The following MYO9A variants were observed in gnomAD, a reference collection of about 807,000 sequenced individuals.
MYO9A encodes myosin IXA.
A neutral mutation model predicts 293.3 loss-of-function variants in MYO9A; 103 were observed. That is an observed-to-expected ratio of 0.35 (90% confidence interval 0.30 to 0.41). MYO9A has a LOEUF of 0.41. MYO9A is among the 10% of genes least tolerant of loss of function. MYO9A has a pLI of 1.00. For missense variants in MYO9A, 2,685 were observed against 3,033.0 expected (o/e 0.89, Z 2.69); for synonymous variants, 1,001 against 1,035.7 (o/e 0.97, Z 0.64).
intron 39 of MYO9A, among the ~76,000 whole-genome samples, chr15:71,832,890 T>G (rs2054785312): frequency 6.6e-6 from 1 of 152,274 alleles, no homozygotes; most frequent in Non-Finnish European, 1.5e-5. Flanking sequence ...TTAAAACACC[T>G]GTATTATCTG....
rs1315942519 is a variant in MYO9A, at chr15:71,825,997, T to TTTGTTTTG, written c.*582_*583insCAAAACAA. 1 of 96,856 alleles carries TTTGTTTTG rather than the reference T, an allele frequency of 1.0e-5. No individual in the cohort carries two copies. The highest frequency in any genetic ancestry group is 1.8e-5 in the Non-Finnish European group (1 of 54,452). 6.0% of individuals were successfully genotyped at this position (96,856 alleles called of 1,614,324 possible). A position where few individuals can be genotyped will look rare whatever the true frequency, so the allele number is the denominator to read the frequency against. On this transcript the variant is annotated 3_prime_UTR_variant, in exon 42 of 42. Coordinates refer to ENST00000356056, the MANE Select transcript of MYO9A (RefSeq NM_006901.4). ...GGAAACAATCACGGTTTTTTTTTGT[T>TTTGTTTTG]TTTTTTTTTTTGTTTTTTTTTTTTG...
intron 37 of MYO9A, 123 bp from the exon 38 acceptor site, chr15:71,850,290 G>A: frequency 8.9e-7 from 1 of 1,125,858 alleles, no homozygotes; most frequent in Non-Finnish European, 1.3e-6. Context: ...GTACTAGAAG[G>A]ATATCCATTA....
At chr15:71,930,450 A>G (rs930397398) in intron 18 of MYO9A, among the ~76,000 whole-genome samples, 1 of 152,102 alleles carries the variant, frequency 6.6e-6, no homozygotes, top group Non-Finnish European at 1.5e-5. Flanking sequence ...TTATTATTAT[A>G]TGTTGACCTT....
chr15:71,841,845 C>A lies in MYO9A; in HGVS notation c.6837+7000G>T, dbSNP rs1163133674. Reference sequence around the variant, plus strand: ...TTTTTTTTGTAGAGACGGGGTTTCACCATGTTGCCCAGGCTGGTCTCAAAC... The same window carrying A: ...TTTTTTTTGTAGAGACGGGGTTTCAACATGTTGCCCAGGCTGGTCTCAAAC... On this transcript the variant is annotated intron_variant, in intron 39 of 41. Transcript: ENST00000356056. Among the ~76,000 whole-genome samples, 61 of 150,834 alleles carry A rather than the reference C, an allele frequency of 4.0e-4. 1 individual carries two copies. The highest frequency in any genetic ancestry group is 3.4e-3 in the South Asian group (16 of 4,754).
chr15:71,878,409 T>A (rs1249062541), intron 30 of MYO9A, among the ~76,000 whole-genome samples, 178 bp from the exon 31 acceptor site: 1 of 152,194 alleles, frequency 6.6e-6, no homozygotes, highest in Non-Finnish European at 1.5e-5. Context: ...TAGTATGGGA[T>A]GAATGCAGAA....
intron 4 of MYO9A, among the ~76,000 whole-genome samples, chr15:72,026,703 G>A (rs2077684267): frequency 6.6e-6 from 1 of 152,064 alleles, no homozygotes; most frequent in Non-Finnish European, 1.5e-5. Flanking sequence ...TATCTAAACT[G>A]ATGAGACAGA....
chr15:71,898,116 T>C lies in MYO9A; in HGVS notation c.4387A>G (p.Thr1463Ala). 6.2e-7 allele frequency: 1 copy of C among 1,614,166 alleles called. No individual in the cohort carries two copies. The change falls in exon 25 of 42, where the codon ACT becomes GCT. Residue 1463 changes from threonine to alanine, a missense_variant. Transcript: ENST00000356056. ...TTTCCTGAGCAGTGATACCTTCTAG[T>C]TTCCCTGTTGATATCCAAAGTAAGA... ...EALTLDINRE[T>A]RRYHCSGKDQ...
intron 25 of MYO9A, chr15:71,896,752 C>T (rs2057340155): frequency 2.0e-5 from 3 of 151,264 alleles, no homozygotes; most frequent in African/African-American, 7.3e-5. Context: ...TGCACTCCAG[C>T]CTGGGTGACA....
chr15:72,031,140 T>A (rs1262932149), intron 3 of MYO9A, among the ~76,000 whole-genome samples: 1 of 152,004 alleles, frequency 6.6e-6, no homozygotes, highest in Non-Finnish European at 1.5e-5. Context: ...CATTCCTCCA[T>A]CCCCCAGTCT....
chr15:72,019,669 A>C (rs1424517875), intron 5 of MYO9A, among the ~76,000 whole-genome samples: 3 of 152,228 alleles, frequency 2.0e-5, no homozygotes, highest in Non-Finnish European at 2.9e-5. Flanking sequence ...AGTTTATATT[A>C]ATATAGGTAG....
At chr15:72,047,459 T>A (rs2078420044) in intron 1 of MYO9A, among the ~76,000 whole-genome samples, 1 of 152,194 alleles carries the variant, frequency 6.6e-6, no homozygotes, top group Non-Finnish European at 1.5e-5. Context: ...ATATTACACT[T>A]CTAGAAGAAT....
intron 15 of MYO9A, among the ~76,000 whole-genome samples, chr15:71,939,751 G>A (rs751821947): frequency 2.6e-5 from 4 of 152,098 alleles, no homozygotes; most frequent in African/African-American, 7.2e-5. Flanking sequence ...TGTAAGTTCC[G>A]TAAGCATAAG....
At chr15:71,874,740 A>G (rs1404664990) in intron 32 of MYO9A, among the ~76,000 whole-genome samples, 14 of 152,188 alleles carry the variant, frequency 9.2e-5, no homozygotes, top group Non-Finnish European at 7.3e-5. Flanking sequence ...TTGAAGGTAG[A>G]GTCTTGATCA....
Position 71,905,670 on chromosome 15 carries a change from T to A in MYO9A, c.2686-664A>T, listed in dbSNP as rs139789128. ...GGCGTGGTGGTGCCCGGCTGAGGCA[T>A]GAGAATTACTTAAACCTGGGAGGTG... is the stretch of plus-strand genomic sequence containing the variant. On this transcript the variant is annotated intron_variant, in intron 19 of 41. Transcript: ENST00000356056. Among the ~76,000 whole-genome samples the A allele has an allele frequency of 1.5e-4, 21 of 141,304 alleles. 1 individual carries two copies. In the East Asian group the frequency reaches 4.3e-3, roughly 29 times the overall value. 92.7% of individuals were successfully genotyped at this position (141,304 alleles called of 152,430 possible). A position where few individuals can be genotyped will look rare whatever the true frequency, so the allele number is the denominator to read the frequency against.
At chr15:72,037,284 A>C (rs936077843) in intron 2 of MYO9A, among the ~76,000 whole-genome samples, 8 of 103,882 alleles carry the variant, frequency 7.7e-5, no homozygotes, top group Admixed American at 2.9e-4. Context: ...AAAAAAAAAC[A>C]CCAAACAACT....
intron 18 of MYO9A, among the ~76,000 whole-genome samples, chr15:71,917,761 CTA>C (rs151133244): frequency 2.0e-5 from 3 of 152,098 alleles, no homozygotes; most frequent in African/African-American, 4.8e-5. Flanking sequence ...CAGATGTAAA[CTA>C]TATGTTATTT....
intron 19 of MYO9A, among the ~76,000 whole-genome samples, chr15:71,911,533 C>G (rs949035505): frequency 6.6e-6 from 1 of 152,148 alleles, no homozygotes; most frequent in African/African-American, 2.4e-5. Context: ...CCCTAGGCAG[C>G]TGAGTATGGA....
At chr15:72,075,441 T>C (rs941800811) in intron 1 of MYO9A, among the ~76,000 whole-genome samples, 9 of 151,906 alleles carry the variant, frequency 5.9e-5, no homozygotes, top group African/African-American at 1.9e-4. Context: ...TATTATTATG[T>C]ATAATCTTAT....
intron 2 of MYO9A, among the ~76,000 whole-genome samples, chr15:72,037,052 T>A (rs1264708328): frequency 1.3e-5 from 2 of 151,616 alleles, no homozygotes; most frequent in African/African-American, 2.4e-5. Context: ...CTTTTTTTTT[T>A]GCAACAGGGT....
Sources: allele counts gnomAD v4.1 joint callset (sites outside exome capture counted in the v4.1 genomes callset), GRCh38; gene constraint gnomAD v4.1.1; transcripts MANE v1.5; gene names NCBI Gene and HGNC (gene_info 2026-07-23, HGNC 2026-07-21).